GNAO1: variants seen among roughly 807,000 people sequenced by gnomAD.
GNAO1 encodes the protein G protein subunit alpha o1.
For missense variants in GNAO1, 166 were observed against 478.7 expected, an observed-to-expected ratio of 0.35 and a Z score of 6.10; for synonymous variants, 164 against 180.7, an observed-to-expected ratio of 0.91 and a Z score of 0.74.
At chr16:56,341,061 G>C (rs1331527606) in intron 6 of GNAO1, 1 of 1,224,892 alleles carries the variant, frequency 8.2e-7, no homozygotes, top group African/African-American at 1.5e-5. Flanking sequence ...CACCCTTCCT[G>C]TGCTCTGTGG....
At chr16:56,336,495 T>G in intron 5 of GNAO1, 1 of 466,674 alleles carries the variant, frequency 2.1e-6, no homozygotes, top group Non-Finnish European at 3.8e-6. Flanking sequence ...GGTCTTTGAG[T>G]CATGATCTGT....
At chr16:56,234,269 G>A (rs1596812628) in intron 2 of GNAO1, among the ~76,000 whole-genome samples, 1 of 152,256 alleles carries the variant, frequency 6.6e-6, no homozygotes, top group Non-Finnish European at 1.5e-5. Context: ...ACCAGCCTAG[G>A]GAATGCCAAA....
intron 2 of GNAO1, among the ~76,000 whole-genome samples, chr16:56,230,752 C>CA (rs1254574816): frequency 6.6e-6 from 1 of 152,186 alleles, no homozygotes; most frequent in Non-Finnish European, 1.5e-5. Context: ...AAGGTTTCTT[C>CA]ATTCTTTGTG....
intron 2 of GNAO1, among the ~76,000 whole-genome samples, chr16:56,222,768 C>A (rs2036502725): frequency 1.3e-5 from 2 of 152,172 alleles, no homozygotes; most frequent in South Asian, 4.1e-4. Flanking sequence ...AGCATTTCAT[C>A]CAGTCCTTTC....
chr16:56,348,786 C>G (rs1414655054), intron 6 of GNAO1, among the ~76,000 whole-genome samples: 1 of 152,148 alleles, frequency 6.6e-6, no homozygotes, highest in Non-Finnish European at 1.5e-5. Context: ...GCAGGATCTC[C>G]CCTCCTCACT....
At chr16:56,343,227 G>A (rs1316568253) in intron 6 of GNAO1, among the ~76,000 whole-genome samples, 1 of 150,434 alleles carries the variant, frequency 6.6e-6, no homozygotes, top group East Asian at 2.0e-4. Flanking sequence ...AATGGCTCAC[G>A]CCTATAATCC....
chr16:56,343,832 A>G (rs757426946), intron 6 of GNAO1: 1 of 1,545,252 alleles, frequency 6.5e-7, no homozygotes, highest in East Asian at 2.3e-5. Context: ...AAGTCAGCCC[A>G]CAAAGAGATC....
At chr16:56,284,304 G>A (rs778237622) in intron 3 of GNAO1, among the ~76,000 whole-genome samples, 1 of 152,136 alleles carries the variant, frequency 6.6e-6, no homozygotes, top group African/African-American at 2.4e-5. Flanking sequence ...CCAGGGCTCA[G>A]TGCAGCATCA....
intron 3 of GNAO1, among the ~76,000 whole-genome samples, chr16:56,327,847 G>A (rs2037651313): frequency 6.6e-6 from 1 of 152,178 alleles, no homozygotes; most frequent in Admixed American, 6.5e-5. Flanking sequence ...CTCATTACCT[G>A]TCCTTTCCCA....
chr16:56,341,766 T>G (rs2037806550), intron 6 of GNAO1, among the ~76,000 whole-genome samples: 1 of 152,204 alleles, frequency 6.6e-6, no homozygotes. Context: ...TTGGCAGCTC[T>G]GGTCAGTGAC....
chr16:56,332,546 G>A (rs115388039), intron 4 of GNAO1, among the ~76,000 whole-genome samples: 1,647 of 152,260 alleles, frequency 0.011, 40 homozygotes, highest in African/African-American at 0.037. Context: ...CCTCACACAC[G>A]TGTGCACACT....
intron 3 of GNAO1, among the ~76,000 whole-genome samples, chr16:56,300,070 A>T (rs1334002017): frequency 6.8e-4 from 92 of 134,804 alleles, no homozygotes; most frequent in African/African-American, 2.3e-3. Flanking sequence ...TGTGCTTGTG[A>T]GTGTGTCTGT....
chr16:56,298,439 C>A (rs568783499), intron 3 of GNAO1, among the ~76,000 whole-genome samples: 6 of 152,170 alleles, frequency 3.9e-5, no homozygotes, highest in Non-Finnish European at 1.5e-5. Flanking sequence ...CAACTTCCCC[C>A]ACACGTGGGG....
At chr16:56,222,208 T>C (rs1295488982) in intron 2 of GNAO1, among the ~76,000 whole-genome samples, 6 of 150,280 alleles carry the variant, frequency 4.0e-5, no homozygotes, top group Non-Finnish European at 8.9e-5. Flanking sequence ...GGAGCCTTAT[T>C]AAGAACAGAG....
chr16:56,345,538 TG>T (rs531006134), intron 6 of GNAO1: 40,679 of 985,306 alleles, frequency 0.041, 1,145 homozygotes, highest in African/African-American at 0.11. Flanking sequence ...CCTTCCCTAG[TG>T]CCAAATGCCT....
intron 3 of GNAO1, among the ~76,000 whole-genome samples, chr16:56,293,880 T>C (rs2037257185): frequency 6.6e-6 from 1 of 152,160 alleles, no homozygotes; most frequent in Non-Finnish European, 1.5e-5. Context: ...CTCTGTAGCA[T>C]GTTCCCACAT....
At chr16:56,261,753 A>G (rs2036905890) in intron 2 of GNAO1, among the ~76,000 whole-genome samples, 1 of 152,102 alleles carries the variant, frequency 6.6e-6, no homozygotes, top group Non-Finnish European at 1.5e-5. Context: ...CTGCTGTCCT[A>G]TGGTGGTGTA....
At chr16:56,229,369 T>G (rs932333033) in intron 2 of GNAO1, among the ~76,000 whole-genome samples, 1 of 152,158 alleles carries the variant, frequency 6.6e-6, no homozygotes, top group Non-Finnish European at 1.5e-5. Flanking sequence ...CTCGCCTGAC[T>G]AATTTTTTTT....
chr16:56,286,619 A>G (rs1395106432), intron 3 of GNAO1, among the ~76,000 whole-genome samples: 3 of 152,008 alleles, frequency 2.0e-5, no homozygotes, highest in Non-Finnish European at 4.4e-5. Context: ...ATCACCAAGC[A>G]CAAGGTGCAT....
Sources: allele counts gnomAD v4.1 joint callset (sites outside exome capture counted in the v4.1 genomes callset), GRCh38; gene constraint gnomAD v4.1.1; transcripts MANE v1.5; gene names NCBI Gene and HGNC (gene_info 2026-07-23, HGNC 2026-07-21).